EMC2: variants seen among roughly 807,000 people sequenced by gnomAD.
EMC2 encodes ER membrane protein complex subunit 2.
In EMC2, 37 loss-of-function variants were observed where a neutral mutation model predicts 51.6. The ratio of observed to expected loss-of-function variants is 0.72; its 90% CI spans 0.55 to 0.94. The LOEUF (loss-of-function observed/expected upper bound fraction) is 0.94, where lower values mean the gene tolerates loss of function less well. EMC2 is among the 40% of genes least tolerant of loss of function. The probability of loss-of-function intolerance (pLI) is 0.00; values close to 1 mark genes in which losing one functional copy is unlikely to be tolerated. For synonymous variants in EMC2, 131 were observed against 112.4 expected, an observed-to-expected ratio of 1.17 and a Z score of -1.04; for missense variants, 359 against 350.9, an observed-to-expected ratio of 1.02 and a Z score of -0.18.
At chr8:108,471,406 T>A (rs1024317351) in intron 7 of EMC2, among the ~76,000 whole-genome samples, 3 of 150,286 alleles carry the variant, frequency 2.0e-5, no homozygotes, top group African/African-American at 7.3e-5. Context: ...AACAAGGAAA[T>A]TTTTTTTTTC....
intron 4 of EMC2, among the ~76,000 whole-genome samples, chr8:108,453,421 A>G (rs1819078582): frequency 6.6e-6 from 1 of 152,090 alleles, no homozygotes; most frequent in Admixed American, 6.5e-5. Context: ...AGGTCTTTAT[A>G]TATTCTGGAT....
At chr8:108,456,598 C>T (rs1193687591) in intron 5 of EMC2, among the ~76,000 whole-genome samples, 1 of 152,032 alleles carries the variant, frequency 6.6e-6, no homozygotes, top group Non-Finnish European at 1.5e-5. Flanking sequence ...TAAGAAGAAA[C>T]ATACCCCTTT....
At position 108,455,855 on chromosome 8, in the gene EMC2, CT is replaced by C; in HGVS notation, c.306-13del. On this transcript the variant is annotated splice_polypyrimidine_tract_variant and intron_variant, in intron 4 of 10. Coordinates refer to ENST00000220853, the MANE Select transcript of EMC2 (RefSeq NM_014673.5). ...TTTAAGGTAATAATTGTAGATGTTT[CT>C]TTTTCTTTTTAAATAGATATGATGA... 1.0e-6 allele frequency: 1 copy of C among 953,692 alleles called. No individual in the cohort carries two copies. Among genetic ancestry groups the C allele is most frequent in the Non-Finnish European group, 1.6e-6 (1 of 642,344 alleles). The allele number at this position is 953,692 out of a possible 1,614,324, so 59.1% of individuals were successfully genotyped here. A position where few individuals can be genotyped will look rare whatever the true frequency, so the allele number is the denominator to read the frequency against.
At position 108,449,793 on chromosome 8, in the gene EMC2, T is replaced by C. The variant is rs534695889; in HGVS notation, c.41-30T>C. 1.6e-5 allele frequency: 17 copies of C among 1,032,948 alleles called. No individual in the cohort carries two copies. In the East Asian group the frequency reaches 1.7e-4, roughly 10 times the overall value. 64.0% of individuals were successfully genotyped at this position (1,032,948 alleles called of 1,614,324 possible). Reference sequence around the variant, plus strand: ...GTGTATGTGTGTGTCTGGGTACATATACACTTAAATGTCATGTTATTTTTT... The same window carrying C: ...GTGTATGTGTGTGTCTGGGTACATACACACTTAAATGTCATGTTATTTTTT... On this transcript the variant is annotated intron_variant, in intron 1 of 10. Transcript: ENST00000220853.
At position 108,465,021 on chromosome 8, in the gene EMC2, C is replaced by T. The variant is rs55762100; in HGVS notation, c.364-4805C>T. On this transcript the variant is annotated intron_variant, in intron 5 of 10. Transcript: ENST00000220853. ...GGGGAGGTTATAGATTGTATTTTGC[C>T]GGTAGGCCTTAATCCTTTAATCCTT... 7.4e-3 allele frequency among the ~76,000 whole-genome samples: 1,131 copies of T among 152,064 alleles called. 12 individuals carry two copies. Among genetic ancestry groups the T allele is most frequent in the African/African-American group, 0.025 (1,055 of 41,448 alleles).
intron 7 of EMC2, among the ~76,000 whole-genome samples, chr8:108,472,658 T>C (rs1401977054): frequency 1.3e-5 from 2 of 151,910 alleles, no homozygotes; most frequent in African/African-American, 4.8e-5. Flanking sequence ...TCATTTGACA[T>C]GTTTGAGCAA....
At chr8:108,457,321 CGTGTGTGTGCGTGTGTGTGTGT>C (rs755120761) in intron 5 of EMC2, among the ~76,000 whole-genome samples, 22,126 of 109,920 alleles carry the variant, frequency 0.2, 2,073 homozygotes, top group Non-Finnish European at 0.28. Flanking sequence ...TAGGGATGTG[CGTGTGTGTGCGTGTGTGTGTGT>C]GTGTGTGTGT....
At chr8:108,479,460 T>G (rs758989329) in intron 10 of EMC2, among the ~76,000 whole-genome samples, 10 of 152,118 alleles carry the variant, frequency 6.6e-5, no homozygotes, top group Admixed American at 1.3e-4. Context: ...ATCATAGGTA[T>G]CTCAAGAAAT....
At chr8:108,473,437 A>G (rs1810894447) in intron 7 of EMC2, among the ~76,000 whole-genome samples, 1 of 152,080 alleles carries the variant, frequency 6.6e-6, no homozygotes, top group African/African-American at 2.4e-5. Context: ...GAATGCAGAT[A>G]TTTTAAAATC....
chr8:108,474,044 A>C (rs1810905315), intron 7 of EMC2: 1 of 152,028 alleles, frequency 6.6e-6, no homozygotes, highest in African/African-American at 2.4e-5. Context: ...TTCTAGCTCT[A>C]ATTTTATTTA....
chr8:108,454,684 A>G (rs1013759698), intron 4 of EMC2, among the ~76,000 whole-genome samples: 10 of 151,966 alleles, frequency 6.6e-5, no homozygotes, highest in Admixed American at 2.0e-4. Flanking sequence ...TTCTTTATAT[A>G]TTAGAACCTT....
At chr8:108,476,705 C>T (rs1810953473) in intron 8 of EMC2, 77 bp from the exon 9 acceptor site, 1 of 700,138 alleles carries the variant, frequency 1.4e-6, no homozygotes, top group Non-Finnish European at 2.6e-6. Context: ...TTACTGAATG[C>T]CTATGGTATG....
At chr8:108,480,556 G>A (rs1811027776) in intron 10 of EMC2, among the ~76,000 whole-genome samples, 1 of 152,134 alleles carries the variant, frequency 6.6e-6, no homozygotes, top group Admixed American at 6.6e-5. Context: ...TCTGTTTCTA[G>A]AGCCCTCAAA....
At chr8:108,473,697 G>A (rs1222710734) in intron 7 of EMC2, among the ~76,000 whole-genome samples, 1 of 151,812 alleles carries the variant, frequency 6.6e-6, no homozygotes, top group African/African-American at 2.4e-5. Flanking sequence ...AATTCTTTAA[G>A]GAAAAATTGT....
intron 5 of EMC2, among the ~76,000 whole-genome samples, chr8:108,462,095 A>G (rs1003428436): frequency 4.6e-5 from 7 of 152,102 alleles, no homozygotes; most frequent in African/African-American, 1.4e-4. Context: ...GCATGAGCCA[A>G]TGCGCCCGGC....
intron 4 of EMC2, among the ~76,000 whole-genome samples, chr8:108,455,090 T>C (rs1443946752): frequency 2.0e-5 from 3 of 152,078 alleles, no homozygotes; most frequent in African/African-American, 7.2e-5. Flanking sequence ...TCTTAGAGCT[T>C]ACTGGATCTG....
At chr8:108,450,514 A>G (rs1055290178) in intron 3 of EMC2, 22 bp downstream of exon 3, 4 of 1,394,938 alleles carry the variant, frequency 2.9e-6, no homozygotes, top group Non-Finnish European at 4.1e-6. Context: ...AATGAAGTAT[A>G]TATTTAATTT....
chr8:108,451,956 T>C (rs1189538502), intron 3 of EMC2, among the ~76,000 whole-genome samples: 1 of 152,226 alleles, frequency 6.6e-6, no homozygotes, highest in East Asian at 1.9e-4. Context: ...CCACAAACTT[T>C]GAAGCTGTAT....
chr8:108,452,168 A>C lies in EMC2; in HGVS notation c.220-894A>C, dbSNP rs143497632. 2.7e-3 allele frequency among the ~76,000 whole-genome samples: 414 copies of C among 152,322 alleles called. 3 individuals carry two copies. The highest frequency in any genetic ancestry group is 9.1e-3 in the African/African-American group (378 of 41,570). On this transcript the variant is annotated intron_variant, in intron 3 of 10. Transcript: ENST00000220853. The stretch of plus-strand genomic sequence containing the variant: ...TCAGTAAATATTTGATTATTTATTT[A>C]GTCAAGTTGATGAGTCAATTATGGA...
Sources: gnomAD v4.1 joint callset for allele counts (sites outside exome capture counted in the v4.1 genomes callset) on GRCh38, gnomAD v4.1.1 for gene constraint, MANE v1.5 for transcripts, NCBI Gene and HGNC (gene_info 2026-07-23, HGNC 2026-07-21) for gene names.